Variants in ADARB2 observed in about 807,000 individuals in gnomAD.
ADARB2 encodes adenosine deaminase RNA specific B2 (inactive), also known as inactive double-stranded RNA-specific editase B2.
In ADARB2, 25 loss-of-function variants were observed where a neutral mutation model predicts 62.2. That is an observed-to-expected ratio of 0.40 (90% CI 0.29 to 0.56). The LOEUF is 0.56. ADARB2 is among the 20% of genes least tolerant of loss of function. The pLI is 0.43. For synonymous variants in ADARB2, 572 were observed against 500.8 expected (o/e 1.14, Z -1.90); for missense variants, 1,071 against 1,077.4 (o/e 0.99, Z 0.08).
chr10:1,428,878 C>A (rs1287478685), intron 1 of ADARB2, among the ~76,000 whole-genome samples: 1 of 151,926 alleles, frequency 6.6e-6, no homozygotes, highest in Non-Finnish European at 1.5e-5. Context: ...CACACACACA[C>A]ACGGACACAC....
chr10:1,376,815 C>T (rs1327284732), intron 2 of ADARB2, among the ~76,000 whole-genome samples: 1 of 147,726 alleles, frequency 6.8e-6, no homozygotes, highest in East Asian at 2.0e-4. Flanking sequence ...GTGAACTTCC[C>T]CTTCCCACGT....
At chr10:1,201,324 G>T (rs1344959978) in intron 7 of ADARB2, among the ~76,000 whole-genome samples, 2 of 151,978 alleles carry the variant, frequency 1.3e-5, no homozygotes, top group Non-Finnish European at 2.9e-5. Context: ...GAATATAAAA[G>T]GTAATATTTA....
At chr10:1,263,549 A>C (rs1831164340) in intron 4 of ADARB2, among the ~76,000 whole-genome samples, 1 of 152,238 alleles carries the variant, frequency 6.6e-6, no homozygotes, top group African/African-American at 2.4e-5. Flanking sequence ...TAGATTGAAG[A>C]TAGAATTGAA....
At chr10:1,464,813 A>G (rs75859043) in intron 1 of ADARB2, among the ~76,000 whole-genome samples, 1,182 of 62,470 alleles carry the variant, frequency 0.019, 1 homozygote, top group Middle Eastern at 0.032. Context: ...CCACACACGC[A>G]CTGGGGGCAG....
intron 1 of ADARB2, among the ~76,000 whole-genome samples, chr10:1,606,677 T>C (rs1173974697): frequency 6.6e-6 from 1 of 152,034 alleles, no homozygotes; most frequent in Non-Finnish European, 1.5e-5. Flanking sequence ...GGTTTAGCGG[T>C]AGTAGAAGGG....
In ADARB2 at chr10:1,547,185, A is replaced by T. The variant is rs563754100; in HGVS notation, c.101-168025T>A. On this transcript the variant is annotated intron_variant, in intron 1 of 9. Transcript: ENST00000381312. ...GGGGAAACTGGGAGAGATGCTGCGC[A>T]GGTGTATACACTGTGGGGAGGGGGA... Among the ~76,000 whole-genome samples, 5 of 151,304 alleles carry T rather than the reference A, an allele frequency of 3.3e-5. No individual in the cohort carries two copies. In the East Asian group the frequency reaches 9.7e-4, roughly 29 times the overall value.
chr10:1,574,472 A>G (rs1395589244), intron 1 of ADARB2, among the ~76,000 whole-genome samples: 2 of 151,954 alleles, frequency 1.3e-5, no homozygotes, highest in Non-Finnish European at 2.9e-5. Context: ...ACCACAGAGA[A>G]CAGACACTCC....
chr10:1,460,417 C>T lies in ADARB2; in HGVS notation c.101-81257G>A, dbSNP rs12784688. Reference sequence around the variant, plus strand: ...CCTGCCTGTGACCTGAATTTACCTGCGTAACAAACCTGCCTGTGACCTGAG... The same window carrying T: ...CCTGCCTGTGACCTGAATTTACCTGTGTAACAAACCTGCCTGTGACCTGAG... On this transcript the variant is annotated intron_variant, in intron 1 of 9. Transcript: ENST00000381312. Among the ~76,000 whole-genome samples the T allele has an allele frequency of 5.1e-3, 300 of 59,156 alleles. 2 individuals carry two copies. The highest frequency in any genetic ancestry group is 7.3e-3 in the African/African-American group (75 of 10,254). 38.8% of individuals were successfully genotyped at this position (59,156 alleles called of 152,430 possible). A position where few individuals can be genotyped will look rare whatever the true frequency, so the allele number is the denominator to read the frequency against.
At chr10:1,455,597 T>C (rs1831086500) in intron 1 of ADARB2, among the ~76,000 whole-genome samples, 1 of 152,240 alleles carries the variant, frequency 6.6e-6, no homozygotes, top group Non-Finnish European at 1.5e-5. Context: ...TTTAATGTGT[T>C]CGATCCAGTT....
At chr10:1,458,994 C>A (rs1226031674) in intron 1 of ADARB2, among the ~76,000 whole-genome samples, 1 of 152,100 alleles carries the variant, frequency 6.6e-6, no homozygotes, top group Non-Finnish European at 1.5e-5. Context: ...TAATGAGGTA[C>A]CATCTCACAC....
At position 1,516,569 on chromosome 10, in the gene ADARB2, G is replaced by C. The variant is rs542884047; in HGVS notation, c.101-137409C>G. On this transcript the variant is annotated intron_variant, in intron 1 of 9. Transcript: ENST00000381312. ...TGTGCGGGCTGCTGTGTGCTGTGCG[G>C]GCTGCTCTGTGCTTGGGAAAATGAA... 2.6e-5 allele frequency among the ~76,000 whole-genome samples: 4 copies of C among 152,186 alleles called. No individual in the cohort carries two copies. In the South Asian group the frequency reaches 8.3e-4, roughly 32 times the overall value.
chr10:1,371,872 C>G (rs1681115919), intron 2 of ADARB2, among the ~76,000 whole-genome samples: 1 of 137,136 alleles, frequency 7.3e-6, no homozygotes, highest in Non-Finnish European at 1.6e-5. Flanking sequence ...GAAATGTAAA[C>G]TAATTCCACT....
At chr10:1,634,653 G>T in intron 1 of ADARB2, among the ~76,000 whole-genome samples, 1 of 152,230 alleles carries the variant, frequency 6.6e-6, no homozygotes, top group South Asian at 2.1e-4. Flanking sequence ...ATAATATGTC[G>T]CATGACCTCA....
rs147516559 is a variant in ADARB2 at position 1,357,673 on chromosome 10, C to CA, written c.1077+5354dup. On this transcript the variant is annotated intron_variant, in intron 3 of 9. Transcript: ENST00000381312. ...CCAGGATGGGAGCGACATGAGCCAT[C>CA]AGGCCTTTTATTTGCTTTTAATATA... 6.1e-3 allele frequency among the ~76,000 whole-genome samples: 928 copies of CA among 152,330 alleles called. 5 individuals carry two copies. The highest frequency in any genetic ancestry group is 0.02 in the Middle Eastern group (6 of 294).
intron 1 of ADARB2, among the ~76,000 whole-genome samples, chr10:1,529,841 G>A (rs1832201112): frequency 6.6e-6 from 1 of 152,186 alleles, no homozygotes; most frequent in African/African-American, 2.4e-5. Flanking sequence ...GTGCATGGCT[G>A]GGAAGCCGCT....
chr10:1,510,132 C>CT (rs1228958555), intron 1 of ADARB2, among the ~76,000 whole-genome samples: 1 of 123,750 alleles, frequency 8.1e-6, no homozygotes, highest in Non-Finnish European at 1.6e-5. Flanking sequence ...TTCTTTCTTT[C>CT]TTTCTTTCTT....
At chr10:1,668,940 A>G (rs74417672) in intron 1 of ADARB2, among the ~76,000 whole-genome samples, 1,853 of 152,328 alleles carry the variant, frequency 0.012, 21 homozygotes, top group East Asian at 0.041. Flanking sequence ...AGGTGGCACC[A>G]GCCCTGTAGG....
At chr10:1,376,399 C>T (rs780425236) in intron 2 of ADARB2, among the ~76,000 whole-genome samples, 1 of 152,210 alleles carries the variant, frequency 6.6e-6, no homozygotes, top group Non-Finnish European at 1.5e-5. Context: ...ATAATGTTCA[C>T]AGCCCAAGGC....
At chr10:1,730,800 A>G (rs1436200285) in intron 1 of ADARB2, among the ~76,000 whole-genome samples, 2 of 152,164 alleles carry the variant, frequency 1.3e-5, no homozygotes, top group African/African-American at 4.8e-5. Flanking sequence ...TTAACTATTG[A>G]TCATTTTTGT....
Sources: allele counts gnomAD v4.1 joint callset (sites outside exome capture counted in the v4.1 genomes callset), GRCh38; gene constraint gnomAD v4.1.1; transcripts MANE v1.5; gene names NCBI Gene and HGNC (gene_info 2026-07-23, HGNC 2026-07-21).